The following NUP58 variants were observed in gnomAD, a reference collection of about 807,000 sequenced individuals.
NUP58 encodes the protein nucleoporin 58.
In NUP58, 17 loss-of-function variants were observed where a neutral mutation model predicts 70.1. The ratio of observed to expected loss-of-function variants is 0.24; its 90% CI spans 0.17 to 0.36. NUP58 has a LOEUF of 0.36. Among genes scored for constraint, NUP58 ranks in the 10% least tolerant of loss-of-function variants. NUP58 has a pLI of 1.00. For synonymous variants in NUP58, 275 were observed against 257.6 expected (o/e 1.07, Z -0.65); for missense variants, 644 against 701.5 (o/e 0.92, Z 0.93).
chr13:25,334,364 A>G, intron 13 of NUP58: 1 of 985,416 alleles, frequency 1.0e-6, no homozygotes, highest in Non-Finnish European at 1.2e-6. Flanking sequence ...TGTTTACATA[A>G]TAAGACTTTC....
intron 9 of NUP58, among the ~76,000 whole-genome samples, 192 bp downstream of exon 9, chr13:25,321,285 T>A (rs995801873): frequency 1.3e-5 from 2 of 152,180 alleles, no homozygotes; most frequent in African/African-American, 2.4e-5. Context: ...GACAGTATCC[T>A]AAGCAATTTA....
chr13:25,321,089 C>A lies in NUP58; in HGVS notation c.947C>A (p.Ala316Asp). The A allele has an allele frequency of 6.3e-7, 1 of 1,582,492 alleles. No homozygotes were observed. Among genetic ancestry groups the A allele is most frequent in the Non-Finnish European group, 8.5e-7 (1 of 1,170,510 alleles). Reference sequence around the variant, plus strand: ...ATTGACAAATTGAAAATAGAAACTGCTCAGGTATACCAACTTATGGCCATT... The same window carrying A: ...ATTGACAAATTGAAAATAGAAACTGATCAGGTATACCAACTTATGGCCATT... ...LNIDKLKIET[A>D]QELKNAEIAL... Residue 316 changes from alanine (A) to aspartate (D), a missense_variant, in exon 9 of 16, where the codon GCT (alanine) becomes GAT (aspartate). By Grantham distance (126) the Ala-to-Asp change is moderately radical. Around this residue, in one of 4 missense-constraint regions of NUP58, gnomAD observed 430 missense variants for 409.2 expected, o/e 1.05. Transcript: ENST00000381736.
rs138421244 is a variant in NUP58 at position 25,329,794 on chromosome 13, G to A, written c.1234-1563G>A. ...GCAATTTGTTTTATAAATCATGGCT[G>A]ATGTCAAGGTTTTTGTTTGTTTGTT... On this transcript the variant is annotated intron_variant, in intron 12 of 15. Transcript: ENST00000381736. Among the ~76,000 whole-genome samples, 614 of 152,194 alleles carry A rather than the reference G, an allele frequency of 4.0e-3. 5 individuals are homozygous for A. Among genetic ancestry groups the A allele is most frequent in the Non-Finnish European group, 4.0e-3 (272 of 67,982 alleles).
intron 1 of NUP58, among the ~76,000 whole-genome samples, chr13:25,302,086 TG>T (rs2030042341): frequency 6.6e-6 from 1 of 152,258 alleles, no homozygotes; most frequent in African/African-American, 2.4e-5. Flanking sequence ...GAGGGCGGGA[TG>T]GGTTCTGTGC....
intron 1 of NUP58, among the ~76,000 whole-genome samples, chr13:25,305,965 G>A (rs886809930): frequency 2.6e-5 from 4 of 152,104 alleles, no homozygotes; most frequent in African/African-American, 7.2e-5. Context: ...TTGACTAGGG[G>A]ACATCTTTCT....
At position 25,313,007 on chromosome 13, in the gene NUP58, G is replaced by A. The variant is rs144849136; in HGVS notation, c.411G>A (p.Ser137=). The A allele has an allele frequency of 1.8e-4, 287 of 1,613,900 alleles. No homozygotes were observed. Among genetic ancestry groups the A allele is most frequent in the Non-Finnish European group, 2.3e-4 (270 of 1,179,966 alleles). Residue 137 remains serine, a synonymous_variant, in exon 4 of 16, where the codon TCG becomes TCA. Coordinates refer to ENST00000381736, the MANE Select transcript of NUP58 (RefSeq NM_014089.4). ...CCTCAGCTAGCGGTCTGACTCTTTC[G>A]TCTGCTCTGACATCAACTCCAGCAG... ...TSTSASGLTL[S]SALTSTPAAS... is the part of the protein sequence containing the mutation.
rs1214528969 is a variant in NUP58 at position 25,341,950 on chromosome 13, G to A, written c.*1816G>A. ...CCACACATTTTTTGTATAATGTTGG[G>A]TTTGATTATAAAAGTGTTGTCAAAT... On this transcript the variant is annotated 3_prime_UTR_variant, in exon 16 of 16. Transcript: ENST00000381736. 1.3e-5 allele frequency: 2 copies of A among 152,100 alleles called. No individual in the cohort carries two copies. The highest frequency in any genetic ancestry group is 4.8e-5 in the African/African-American group (2 of 41,420). The allele number at this position is 152,100 out of a possible 1,614,324, so 9.4% of individuals were successfully genotyped here.
At chr13:25,315,320 CTT>C (rs1208821431) in intron 5 of NUP58, 35 bp from the exon 6 acceptor site, 1 of 1,452,720 alleles carries the variant, frequency 6.9e-7, no homozygotes, top group African/African-American at 1.4e-5. Flanking sequence ...TTGTTGTAGT[CTT>C]TTGATGGAAT....
At chr13:25,319,804 T>C (rs145152709) in intron 7 of NUP58, among the ~76,000 whole-genome samples, 2 of 152,232 alleles carry the variant, frequency 1.3e-5, no homozygotes, top group East Asian at 3.9e-4. Context: ...TTACCAATTA[T>C]ATTTTCTCAC....
intron 10 of NUP58, 63 bp downstream of exon 10, chr13:25,325,131 A>G: frequency 8.7e-7 from 1 of 1,150,700 alleles, no homozygotes; most frequent in African/African-American, 1.5e-5. Context: ...CAGTAATAAT[A>G]GTATACAAAC....
rs188724385 is a variant in NUP58, at chr13:25,328,349, A to G, written c.1233+837A>G. ...AGGGAACTGTTTGTGTTTATTAAAT[A>G]GTGTAAATAAAATGATTTATCACTG... is the stretch of plus-strand genomic sequence containing the variant. On this transcript the variant is annotated intron_variant, in intron 12 of 15. Coordinates refer to ENST00000381736, the MANE Select transcript of NUP58 (RefSeq NM_014089.4). Among the ~76,000 whole-genome samples, 34 of 151,208 alleles carry G rather than the reference A, an allele frequency of 2.2e-4. No homozygotes were observed. The East Asian group carries it at 5.8e-3, about 26-fold the overall frequency.
chr13:25,336,055 T>G (rs370975176), intron 13 of NUP58: 3 of 1,187,302 alleles, frequency 2.5e-6, no homozygotes, highest in Admixed American at 9.5e-5. Context: ...CCAAAATCTT[T>G]AAAGTAACAA....
chr13:25,303,738 A>G (rs1305043629), intron 1 of NUP58, among the ~76,000 whole-genome samples: 1 of 152,070 alleles, frequency 6.6e-6, no homozygotes, highest in African/African-American at 2.4e-5. Flanking sequence ...CACTAGAATA[A>G]TTAATACCTA....
At chr13:25,316,580 A>T (rs115754008) in intron 6 of NUP58, among the ~76,000 whole-genome samples, 1,719 of 152,310 alleles carry the variant, frequency 0.011, 45 homozygotes, top group African/African-American at 0.039. Flanking sequence ...GAAAATTGAC[A>T]AATTTCTAAA....
rs1322588540 is a variant in NUP58 at position 25,342,181 on chromosome 13, T to C, written c.*2047T>C. 2.6e-5 allele frequency: 4 copies of C among 152,666 alleles called. No individual in the cohort carries two copies. Among genetic ancestry groups the C allele is most frequent in the African/African-American group, 9.6e-5 (4 of 41,470 alleles). The allele number at this position is 152,666 out of a possible 1,614,324, so 9.5% of individuals were successfully genotyped here. On this transcript the variant is annotated 3_prime_UTR_variant, in exon 16 of 16. Coordinates refer to ENST00000381736, the MANE Select transcript of NUP58 (RefSeq NM_014089.4). The stretch of plus-strand genomic sequence containing the variant: ...GTTTTGAATTACTGTCAGAATTACA[T>C]ACACAATTACAACAAACTTTTTTTA...
At chr13:25,335,118 A>G (rs955727382) in intron 13 of NUP58, 12 of 985,276 alleles carry the variant, frequency 1.2e-5, no homozygotes, top group Non-Finnish European at 1.4e-5. Context: ...ACATTTGCCT[A>G]CGAGTTTTAT....
intron 3 of NUP58, among the ~76,000 whole-genome samples, chr13:25,310,620 C>T (rs2030618975): frequency 6.8e-6 from 1 of 146,008 alleles, no homozygotes; most frequent in Non-Finnish European, 1.5e-5. Context: ...TCTTTGGCCT[C>T]CCAAAGTGCT....
In NUP58 at chr13:25,318,010, C is replaced by T. The variant is rs149920880; in HGVS notation, c.686-1316C>T. Among the ~76,000 whole-genome samples, 567 of 151,984 alleles carry T rather than the reference C, an allele frequency of 3.7e-3. 8 individuals are homozygous for T. The highest frequency in any genetic ancestry group is 0.013 in the African/African-American group (543 of 41,424). On this transcript the variant is annotated intron_variant, in intron 6 of 15. Transcript: ENST00000381736. ...TCCTAAGTAGCTGGGACCACAAGTA[C>T]GCAGCACCACGCCTAGCTAATTTTT...
rs765819113 is a variant in NUP58, at chr13:25,301,784, G to T, written c.11G>T (p.Gly4Val). The T allele has an allele frequency of 5.6e-6, 9 of 1,612,612 alleles. No individual in the cohort carries two copies. In the South Asian group the frequency reaches 9.9e-5, roughly 18 times the overall value. The change falls in exon 1 of 16, where the codon GGG (glycine) becomes GTG (valine). Residue 4 changes from glycine to valine, a missense_variant. By Grantham distance (109) the Gly-to-Val change is moderately radical. This residue lies in a region of NUP58 where 430 missense variants were observed against 409.2 expected (regional missense o/e 1.05). Coordinates refer to ENST00000381736, the MANE Select transcript of NUP58 (RefSeq NM_014089.4). ...GAGCCCTGGCCAGACATGTCCACAG[G>T]GTTCTCCTTCGGGTCCGGGACTCTG... MST[G>V]FSFGSGTLGS...
Sources: gnomAD v4.1 joint callset for allele counts (sites outside exome capture counted in the v4.1 genomes callset) on GRCh38, gnomAD v4.1.1 for gene constraint, gnomAD v4.1.1 regional missense constraint, MANE v1.5 for transcripts, NCBI Gene and HGNC (gene_info 2026-07-23, HGNC 2026-07-21) for gene names.